Variants in HEBP1 observed in about 807,000 individuals in gnomAD.
HEBP1 encodes heme-binding protein 1.
In HEBP1, 13 loss-of-function variants were observed where a neutral mutation model predicts 20.4. The observed-to-expected ratio is 0.64, with a 90% CI of 0.42 to 1.01. The LOEUF (loss-of-function observed/expected upper bound fraction) is 1.01, where lower values mean the gene tolerates loss of function less well. Ranked by LOEUF, HEBP1 falls within the 50% of genes least tolerant of loss-of-function variation. HEBP1 has a pLI of 0.00. For missense variants in HEBP1, 241 were observed against 247.3 expected (o/e 0.97, Z 0.17); for synonymous variants, 92 against 90.7 (o/e 1.01, Z -0.08).
At chr12:12,990,539 A>C (rs900014113) in intron 1 of HEBP1, among the ~76,000 whole-genome samples, 5 of 152,152 alleles carry the variant, frequency 3.3e-5, no homozygotes, top group Admixed American at 3.3e-4. Context: ...CATTGACTCT[A>C]TCTTGTTTCT....
At position 12,987,255 on chromosome 12, in the gene HEBP1, T is replaced by C. The variant is rs564828260; in HGVS notation, c.295A>G (p.Lys99Glu). The C allele has an allele frequency of 6.2e-7, 1 of 1,614,128 alleles. No individual in the cohort carries two copies. The highest frequency in any genetic ancestry group is 1.3e-5 in the African/African-American group (1 of 75,038). ...TGGTTTGGAATCCGGAACCAGACTT[T>C]TAATTTCTTCTGCAGAGAGCCATCT... ...NEDGSLQKKL[K>E]VWFRIPNQFQ... The change falls in exon 3 of 4, where the codon AAA becomes GAA. Residue 99 changes from lysine (K) to glutamate (E), a missense_variant. Lys to Glu is a moderately conservative substitution (Grantham distance 56). Coordinates refer to ENST00000014930, the MANE Select transcript of HEBP1 (RefSeq NM_015987.5).
In HEBP1 at chr12:12,998,951, C is replaced by T. The variant is rs1325611210; in HGVS notation, c.78+1086G>A. ...ACCCAACTCCAGAGGATCTAACTGG[C>T]CAAAAGCAATGGTACAGCTCTGGGC... On this transcript the variant is annotated intron_variant, in intron 1 of 3. Coordinates refer to ENST00000014930, the MANE Select transcript of HEBP1 (RefSeq NM_015987.5). The surrounding 1 kb of genome is among the most constrained non-coding windows in gnomAD (Gnocchi z 4.2). 6.6e-6 allele frequency among the ~76,000 whole-genome samples: 1 copy of T among 152,180 alleles called. No homozygotes were observed. Among genetic ancestry groups the T allele is most frequent in the Admixed American group, 6.5e-5 (1 of 15,282 alleles).
At chr12:12,983,484 T>C in intron 3 of HEBP1, 1 of 301,214 alleles carries the variant, frequency 3.3e-6, no homozygotes, top group South Asian at 2.8e-5. Flanking sequence ...AATTTTGTCA[T>C]TGAATGCACT....
intron 3 of HEBP1, chr12:12,985,667 A>T (rs1864142956): frequency 6.6e-6 from 1 of 152,158 alleles, no homozygotes; most frequent in East Asian, 1.9e-4. Context: ...GCTTCAGGTC[A>T]TAAACATTAG....
Position 13,000,191 on chromosome 12 carries a change from C to CTGG in HEBP1, c.-78_-77insCCA. The CTGG allele has an allele frequency of 5.2e-6, 3 of 576,722 alleles. No homozygotes were observed. The highest frequency in any genetic ancestry group is 8.7e-6 in the Non-Finnish European group (3 of 344,834). 35.7% of individuals were successfully genotyped at this position (576,722 alleles called of 1,614,324 possible). Reference sequence around the variant, plus strand: ...GACGGAGCACCACGGGCAGCGACCACCGGCGGCAGGGCGGCAGGGCGGCAG... The same window carrying CTGG: ...GACGGAGCACCACGGGCAGCGACCACTGGCGGCGGCAGGGCGGCAGGGCGGCAG... On this transcript the variant is annotated 5_prime_UTR_variant, in exon 1 of 4. Transcript: ENST00000014930.
chr12:12,983,757 A>G (rs191357340), intron 3 of HEBP1: 453 of 456,062 alleles, frequency 9.9e-4, no homozygotes, highest in African/African-American at 8.2e-3. Context: ...TCAGAGAATT[A>G]AAAGGAAATG....
chr12:12,976,775 T>C (rs1863995295), intron 3 of HEBP1, among the ~76,000 whole-genome samples: 1 of 152,214 alleles, frequency 6.6e-6, no homozygotes, highest in South Asian at 2.1e-4. Flanking sequence ...GAAGAGATTA[T>C]AAGGGAGATG....
intron 1 of HEBP1, among the ~76,000 whole-genome samples, chr12:12,992,062 A>C (rs1371262108): frequency 6.6e-6 from 1 of 152,218 alleles, no homozygotes; most frequent in Non-Finnish European, 1.5e-5. Context: ...AGACTGGTCA[A>C]ATAGGTTTTC....
chr12:12,979,927 A>G (rs191095477), intron 3 of HEBP1: 11 of 152,384 alleles, frequency 7.2e-5, no homozygotes, highest in African/African-American at 2.4e-4. Context: ...GACACAAGCA[A>G]TAGTGAAGGC....
At chr12:12,999,724 T>G (rs1864331020) in intron 1 of HEBP1, among the ~76,000 whole-genome samples, 1 of 152,246 alleles carries the variant, frequency 6.6e-6, no homozygotes, top group Non-Finnish European at 1.5e-5. Flanking sequence ...CTGTTCGGAA[T>G]GTTTGGAATA....
At chr12:12,994,596 C>T (rs78241457) in intron 1 of HEBP1, among the ~76,000 whole-genome samples, 2,515 of 152,178 alleles carry the variant, frequency 0.017, 60 homozygotes, top group African/African-American at 0.057. Context: ...GAGCCAAGTC[C>T]CCCATGATAC....
chr12:12,976,773 T>A (rs1565489936), intron 3 of HEBP1, among the ~76,000 whole-genome samples: 2 of 152,158 alleles, frequency 1.3e-5, no homozygotes, highest in African/African-American at 2.4e-5. Flanking sequence ...TTGAAGAGAT[T>A]ATAAGGGAGA....
chr12:12,975,181 T>C lies in HEBP1; in HGVS notation c.*127A>G, dbSNP rs1863960925. 3.6e-6 allele frequency: 3 copies of C among 841,004 alleles called. No individual in the cohort carries two copies. Among genetic ancestry groups the C allele is most frequent in the Admixed American group, 2.4e-5 (1 of 41,056 alleles). The allele number at this position is 841,004 out of a possible 1,614,324, so 52.1% of individuals were successfully genotyped here. A position where few individuals can be genotyped will look rare whatever the true frequency, so the allele number is the denominator to read the frequency against. ...CTTTTTTCAGAAAATTGGCAGTAACTGACTTTGAAGGAAAGTTGGTTAAGT... is the reference window on the plus strand; with the variant it reads ...CTTTTTTCAGAAAATTGGCAGTAACCGACTTTGAAGGAAAGTTGGTTAAGT... On this transcript the variant is annotated 3_prime_UTR_variant, in exon 4 of 4. Coordinates refer to ENST00000014930, the MANE Select transcript of HEBP1 (RefSeq NM_015987.5).
rs114998178 is a variant in HEBP1 at position 12,978,020 on chromosome 12, T to C, written c.399-2541A>G. 4.7e-4 allele frequency among the ~76,000 whole-genome samples: 71 copies of C among 152,212 alleles called. 1 individual carries two copies. Among genetic ancestry groups the C allele is most frequent in the African/African-American group, 1.7e-3 (70 of 41,526 alleles). ...GCTAAAGATGACAGCACTTAGGACC[T>C]AGTGAGTGAAGTGGTTACATAAGTT... On this transcript the variant is annotated intron_variant, in intron 3 of 3. Transcript: ENST00000014930.
At chr12:12,992,149 G>T (rs1333760535) in intron 1 of HEBP1, among the ~76,000 whole-genome samples, 1 of 152,230 alleles carries the variant, frequency 6.6e-6, no homozygotes, top group Non-Finnish European at 1.5e-5. Context: ...TGTCTCTGGA[G>T]GAAGGCAGGA....
intron 3 of HEBP1, chr12:12,979,459 C>T (rs1034591345): frequency 6.6e-6 from 1 of 152,562 alleles, no homozygotes; most frequent in African/African-American, 2.4e-5. Flanking sequence ...GAAACTGAAC[C>T]CTACCCGGAA....
chr12:12,983,648 C>A, intron 3 of HEBP1: 1 of 455,098 alleles, frequency 2.2e-6, no homozygotes, highest in South Asian at 1.6e-5. Flanking sequence ...CATCAAGTGG[C>A]GAGTTGAGGA....
rs548602007 is a variant in HEBP1, at chr12:12,987,428, G to T, written c.218-96C>A. The T allele has an allele frequency of 7.1e-5, 65 of 909,852 alleles. No individual in the cohort carries two copies. In the African/African-American group the frequency reaches 1.0e-3, roughly 14 times the overall value. 56.4% of individuals were successfully genotyped at this position (909,852 alleles called of 1,614,324 possible). The stretch of plus-strand genomic sequence containing the variant: ...TTAGTTCCATTCGTCTTTCAAAGTG[G>T]TATGTTTTTGTTCTTGAAATTAACA... On this transcript the variant is annotated intron_variant, in intron 2 of 3. Transcript: ENST00000014930.
rs758646938 is a variant in HEBP1, at chr12:12,989,265, A to C, written c.217+12T>G. 1.2e-6 allele frequency: 2 copies of C among 1,613,692 alleles called. No homozygotes were observed. Among genetic ancestry groups the C allele is most frequent in the Non-Finnish European group, 1.7e-6 (2 of 1,179,930 alleles). ...CCCCGAGACCAGAGCCACATCCTGC[A>C]GGGGTACTCACCCTTGTCATTGGTG... On this transcript the variant is annotated intron_variant, in intron 2 of 3. Coordinates refer to ENST00000014930, the MANE Select transcript of HEBP1 (RefSeq NM_015987.5).
Sources: allele counts gnomAD v4.1 joint callset (sites outside exome capture counted in the v4.1 genomes callset), GRCh38; gene constraint gnomAD v4.1.1; non-coding constraint Gnocchi (gnomAD v3.1); transcripts MANE v1.5; gene names NCBI Gene and HGNC (gene_info 2026-07-23, HGNC 2026-07-21).